BAIAP2: variants seen among roughly 807,000 people sequenced by gnomAD.
The protein encoded by BAIAP2 is BAR/IMD domain containing adaptor protein 2.
Under a neutral mutation model 63.0 loss-of-function variants are expected in BAIAP2, and 18 were observed. The ratio of observed to expected loss-of-function variants is 0.29; its 90% CI spans 0.20 to 0.42. The LOEUF is 0.42. Among genes scored for constraint, BAIAP2 ranks in the 10% least tolerant of loss-of-function variants. The pLI is 1.00. For missense variants in BAIAP2, 610 were observed against 734.3 expected (o/e 0.83, Z 1.96); for synonymous variants, 386 against 307.6 (o/e 1.25, Z -2.67).
intron 13 of BAIAP2, among the ~76,000 whole-genome samples, chr17:81,111,995 CTGT>C (rs988965030): frequency 3.3e-5 from 5 of 152,260 alleles, no homozygotes; most frequent in Non-Finnish European, 7.3e-5. Context: ...CACTGCCTTT[CTGT>C]TGTTGATTTT....
intron 6 of BAIAP2, among the ~76,000 whole-genome samples, chr17:81,087,317 G>A (rs936924610): frequency 2.0e-5 from 3 of 152,218 alleles, no homozygotes; most frequent in East Asian, 1.9e-4. Context: ...CCTCCAGGCC[G>A]CACCCTTCCT....
chr17:81,103,411 G>C (rs968087488), intron 7 of BAIAP2, 91 bp from the exon 8 acceptor site: 6 of 1,233,996 alleles, frequency 4.9e-6, no homozygotes, highest in African/African-American at 4.5e-5. Flanking sequence ...TCCAGCCCCA[G>C]AGAGTGCTCA....
chr17:81,053,582 TG>T, intron 1 of BAIAP2, 85 bp from the exon 2 acceptor site: 1 of 1,475,918 alleles, frequency 6.8e-7, no homozygotes, highest in Non-Finnish European at 9.5e-7. Flanking sequence ...GTGCCTGCTC[TG>T]GGTTTTCTCC....
At position 81,053,751 on chromosome 17, in the gene BAIAP2, T is replaced by C. The variant is rs949735826; in HGVS notation, c.130+8T>C. 2 of 1,613,786 alleles carry C rather than the reference T, an allele frequency of 1.2e-6. No homozygotes were observed. Among genetic ancestry groups the C allele is most frequent in the Non-Finnish European group, 1.7e-6 (2 of 1,179,906 alleles). ...ACGAGAAGGCACTGGCAGGTGGAAC[T>C]GCGCCCGGGCCCCGTGGGGTGGGAG... is the stretch of plus-strand genomic sequence containing the variant. On this transcript the variant is annotated splice_region_variant and intron_variant, in intron 2 of 13. Transcript: ENST00000428708.
chr17:81,035,310 TG>T lies in BAIAP2; in HGVS notation c.54+3del. 6.9e-7 allele frequency: 1 copy of T among 1,457,610 alleles called. No homozygotes were observed. Among genetic ancestry groups the T allele is most frequent in the South Asian group, 1.3e-5 (1 of 74,470 alleles). The allele number at this position is 1,457,610 out of a possible 1,614,324, so 90.3% of individuals were successfully genotyped here. A position where few individuals can be genotyped will look rare whatever the true frequency, so the allele number is the denominator to read the frequency against. On this transcript the variant is annotated splice_donor_region_variant and intron_variant, in intron 1 of 13. Coordinates refer to ENST00000428708, the MANE Select transcript of BAIAP2 (RefSeq NM_001144888.2). ...CGGCTCACGGAAAATGTCTATAAGG[TG>T]AGCGCCCCCCGGCGCCGAGCTGAGC...
intron 3 of BAIAP2, among the ~76,000 whole-genome samples, chr17:81,064,693 G>A (rs920587400): frequency 7.9e-5 from 12 of 152,202 alleles, no homozygotes; most frequent in East Asian, 3.9e-4. Flanking sequence ...CTTTGGTGAT[G>A]TGGGTCTTTC....
At chr17:81,098,700 T>C (rs1438497452) in intron 6 of BAIAP2, among the ~76,000 whole-genome samples, 3 of 152,202 alleles carry the variant, frequency 2.0e-5, no homozygotes, top group Admixed American at 2.0e-4. Flanking sequence ...TCTGTCGTCT[T>C]TGCTGGAACC....
intron 3 of BAIAP2, among the ~76,000 whole-genome samples, chr17:81,072,843 G>A (rs8071546): frequency 0.14 from 21,564 of 151,962 alleles, 1,850 homozygotes; most frequent in Admixed American, 0.28. Flanking sequence ...CACACCCCCA[G>A]TCCTTGCTCT....
intron 1 of BAIAP2, among the ~76,000 whole-genome samples, chr17:81,051,206 C>G (rs954320048): frequency 2.6e-5 from 4 of 151,878 alleles, no homozygotes; most frequent in Admixed American, 6.6e-5. Flanking sequence ...GGACAGAGGC[C>G]TGCGTGGTAC....
At chr17:81,103,059 CAG>C (rs538551928) in intron 7 of BAIAP2, among the ~76,000 whole-genome samples, 219 of 152,338 alleles carry the variant, frequency 1.4e-3, no homozygotes, top group African/African-American at 5.1e-3. Context: ...CAGTGAGCCT[CAG>C]TGTGTCTGAC....
At chr17:81,063,934 G>T (rs921413436) in intron 3 of BAIAP2, 1 of 131,886 alleles carries the variant, frequency 7.6e-6, no homozygotes, top group Admixed American at 7.8e-5. Flanking sequence ...GCCCTGGTCT[G>T]TGCTGGGGTG....
At chr17:81,098,246 T>A in intron 6 of BAIAP2, 1 of 1,256,026 alleles carries the variant, frequency 8.0e-7, no homozygotes, top group South Asian at 2.6e-5. Context: ...GAGGCGCCTC[T>A]GCCCAGGATG....
chr17:81,041,984 G>C (rs924164613), intron 1 of BAIAP2, among the ~76,000 whole-genome samples: 4 of 152,140 alleles, frequency 2.6e-5, no homozygotes, highest in Admixed American at 6.5e-5. Flanking sequence ...TCACATTTCA[G>C]CTCTGGGCTG....
intron 13 of BAIAP2, chr17:81,109,792 A>G (rs1338007995): frequency 1.0e-6 from 1 of 985,380 alleles, no homozygotes; most frequent in Non-Finnish European, 1.2e-6. Context: ...GGACATTCCA[A>G]AGACCTCCAG....
intron 3 of BAIAP2, among the ~76,000 whole-genome samples, chr17:81,060,609 C>G (rs1326233350): frequency 6.6e-6 from 1 of 152,196 alleles, no homozygotes; most frequent in Non-Finnish European, 1.5e-5. Context: ...CTTCCGGCAG[C>G]TGTGAGCCTG....
At chr17:81,103,810 C>T (rs1354396870) in intron 8 of BAIAP2, 87 bp downstream of exon 8, 2 of 1,587,772 alleles carry the variant, frequency 1.3e-6, no homozygotes. Flanking sequence ...GGTGCAGAGT[C>T]CAGGGGCCCC....
chr17:81,065,824 G>A (rs540653251), intron 3 of BAIAP2, among the ~76,000 whole-genome samples: 1 of 152,378 alleles, frequency 6.6e-6, no homozygotes, highest in Admixed American at 6.5e-5. Context: ...CCGTCTGTAT[G>A]AAAAGAGGGT....
At position 81,046,181 on chromosome 17, in the gene BAIAP2, C is replaced by T. The variant is rs1368907467; in HGVS notation, c.55-7487C>T. Among the ~76,000 whole-genome samples, 1 of 152,106 alleles carries T rather than the reference C, an allele frequency of 6.6e-6. No individual in the cohort carries two copies. Among genetic ancestry groups the T allele is most frequent in the African/African-American group, 2.4e-5 (1 of 41,422 alleles). ...GGTTTGTCACCGTCCCCCTTGGGAT[C>T]CCGTTCTGCAGGCTCCAGCCCACCT... On this transcript the variant is annotated intron_variant, in intron 1 of 13. Transcript: ENST00000428708. The surrounding 1 kb of genome is among the most constrained non-coding windows in gnomAD (Gnocchi z 4.5).
intron 3 of BAIAP2, among the ~76,000 whole-genome samples, chr17:81,069,340 A>G (rs2052132200): frequency 6.6e-6 from 1 of 152,238 alleles, no homozygotes; most frequent in Non-Finnish European, 1.5e-5. Context: ...GGGCACAGAT[A>G]GTCCTGGATC....
Sources: gnomAD v4.1 joint callset for allele counts (sites outside exome capture counted in the v4.1 genomes callset) on GRCh38, gnomAD v4.1.1 for gene constraint, Gnocchi (gnomAD v3.1) non-coding constraint, MANE v1.5 for transcripts, NCBI Gene and HGNC (gene_info 2026-07-23, HGNC 2026-07-21) for gene names.